The following CDC42BPB variants were observed in gnomAD, a reference collection of about 807,000 sequenced individuals.
CDC42BPB encodes serine/threonine-protein kinase MRCK beta.
A neutral mutation model predicts 214.9 loss-of-function variants in CDC42BPB; 37 were observed. That is an observed-to-expected ratio of 0.17 (90% CI 0.13 to 0.23). The LOEUF (loss-of-function observed/expected upper bound fraction) is 0.23, where lower values mean the gene tolerates loss of function less well. Among genes scored for constraint, CDC42BPB ranks in the 10% least tolerant of loss-of-function variants. The probability of loss-of-function intolerance (pLI) is 1.00; values close to 1 mark genes in which losing one functional copy is unlikely to be tolerated. For synonymous variants in CDC42BPB, 931 were observed against 884.0 expected, an observed-to-expected ratio of 1.05 and a Z score of -0.94; for missense variants, 1,694 against 2,227.0, an observed-to-expected ratio of 0.76 and a Z score of 4.82.
chr14:102,958,045 G>C (rs1424695159), intron 21 of CDC42BPB, among the ~76,000 whole-genome samples: 1 of 152,240 alleles, frequency 6.6e-6, no homozygotes, highest in Non-Finnish European at 1.5e-5. Context: ...TCATAAAAGG[G>C]AACAGATGGG....
chr14:103,011,714 A>G (rs1886170179), intron 2 of CDC42BPB, among the ~76,000 whole-genome samples: 1 of 152,246 alleles, frequency 6.6e-6, no homozygotes, highest in South Asian at 2.1e-4. Context: ...ACTGCACTCC[A>G]GCCTGGGTGA....
At position 102,944,838 on chromosome 14, in the gene CDC42BPB, T is replaced by G. The variant is rs566311919; in HGVS notation, c.3812-351A>C. On this transcript the variant is annotated intron_variant, in intron 29 of 36. Transcript: ENST00000361246. This position sits in a 1 kb window ranked among gnomAD's most constrained non-coding sequence, Gnocchi z 6.6. ...CGCGCAGCAAGGCCCTGGGGTGATC[T>G]GGGCCTCCTTCCAGCTCATCCCCGA... Among the ~76,000 whole-genome samples, 18 of 152,272 alleles carry G rather than the reference T, an allele frequency of 1.2e-4. No individual in the cohort carries two copies. The highest frequency in any genetic ancestry group is 4.3e-4 in the African/African-American group (18 of 41,560).
At chr14:102,934,819 A>G (rs974298694) in intron 36 of CDC42BPB, among the ~76,000 whole-genome samples, 4 of 151,848 alleles carry the variant, frequency 2.6e-5, no homozygotes, top group Admixed American at 6.6e-5. Context: ...AGACCATCCT[A>G]ACACAGTGAA....
intron 1 of CDC42BPB, among the ~76,000 whole-genome samples, chr14:103,016,185 GCTCT>G (rs1886449576): frequency 6.6e-6 from 1 of 152,262 alleles, no homozygotes; most frequent in Admixed American, 6.5e-5. Context: ...CTGACGCTGG[GCTCT>G]CTGAGGTGAC....
chr14:102,941,681 G>A, intron 30 of CDC42BPB: 2 of 386,792 alleles, frequency 5.2e-6, no homozygotes, highest in Non-Finnish European at 7.1e-6. Context: ...AAAGATTCTA[G>A]TGAAACAGAT....
chr14:102,980,662 G>T, intron 8 of CDC42BPB, 111 bp downstream of exon 8: 1 of 1,045,186 alleles, frequency 9.6e-7, no homozygotes, highest in Non-Finnish European at 1.4e-6. Flanking sequence ...TGTCTTAAGT[G>T]CCAAATTTCA....
At chr14:102,999,512 A>C in intron 5 of CDC42BPB, 53 bp downstream of exon 5, 3 of 1,585,720 alleles carry the variant, frequency 1.9e-6, no homozygotes, top group South Asian at 1.1e-5. Context: ...CTCTGAAAGG[A>C]GTCTTTTAAC....
At chr14:102,952,632 G>A (rs2139400619) in intron 23 of CDC42BPB, 29 bp from the exon 24 acceptor site, 1 of 1,602,168 alleles carries the variant, frequency 6.2e-7, no homozygotes, top group Non-Finnish European at 8.5e-7. Context: ...GAACACTGAG[G>A]TGAACCATGG....
intron 1 of CDC42BPB, among the ~76,000 whole-genome samples, chr14:103,037,722 G>A (rs1229699217): frequency 1.3e-5 from 2 of 152,130 alleles, no homozygotes; most frequent in African/African-American, 4.8e-5. Flanking sequence ...CAAGAGATAT[G>A]TGGAGAGGAG....
chr14:103,057,392 C>G lies in CDC42BPB; in HGVS notation c.-219G>C, dbSNP rs1181236594. 7 of 885,686 alleles carry G rather than the reference C, an allele frequency of 7.9e-6. No homozygotes were observed. The highest frequency in any genetic ancestry group is 9.5e-6 in the Non-Finnish European group (7 of 737,578). The allele number at this position is 885,686 out of a possible 1,614,324, so 54.9% of individuals were successfully genotyped here. A position where few individuals can be genotyped will look rare whatever the true frequency, so the allele number is the denominator to read the frequency against. On this transcript the variant is annotated 5_prime_UTR_variant, in exon 1 of 37. Transcript: ENST00000361246. ...CGCCGGGCCCCGCGGGTCCATGGGCCGCTCTCCTCCCCTCGGCGCCGCCGC... is the reference window on the plus strand; with the variant it reads ...CGCCGGGCCCCGCGGGTCCATGGGCGGCTCTCCTCCCCTCGGCGCCGCCGC...
intron 21 of CDC42BPB, 160 bp from the exon 22 acceptor site, chr14:102,954,848 G>A (rs1195707141): frequency 2.0e-5 from 20 of 984,002 alleles, no homozygotes; most frequent in Non-Finnish European, 2.3e-5. Context: ...TCTCCTCACA[G>A]ACCCCTGCTC....
At position 102,986,535 on chromosome 14, in the gene CDC42BPB, G is replaced by A; in HGVS notation, c.642C>T (p.Ile214=). The A allele has an allele frequency of 6.2e-7, 1 of 1,614,062 alleles. No homozygotes were observed. The highest frequency in any genetic ancestry group is 8.5e-7 in the Non-Finnish European group (1 of 1,179,978). ...AACATGATCCAAAGTCAGCCAGGCG[G>A]ATATGACCATTCACGTCCAAAAGGA... The part of the protein sequence containing the change: ...DNVLLDVNGH[I]RLADFGSCLK... Residue 214 remains isoleucine (I), a synonymous_variant, in exon 6 of 37, where the codon ATC becomes ATT. Transcript: ENST00000361246.
intron 36 of CDC42BPB, among the ~76,000 whole-genome samples, chr14:102,936,105 T>G (rs2139333454): frequency 6.6e-6 from 1 of 152,256 alleles, no homozygotes; most frequent in Middle Eastern, 3.4e-3. Flanking sequence ...CAAGAACAAG[T>G]ATTGGTGAGG....
chr14:102,993,714 A>C (rs557204784), intron 5 of CDC42BPB, among the ~76,000 whole-genome samples: 1 of 152,318 alleles, frequency 6.6e-6, no homozygotes, highest in South Asian at 2.1e-4. Context: ...TGAGTCACCC[A>C]TGTAAATAAA....
At chr14:102,994,198 TG>T (rs1894622101) in intron 5 of CDC42BPB, among the ~76,000 whole-genome samples, 1 of 151,984 alleles carries the variant, frequency 6.6e-6, no homozygotes. Context: ...AAAACAGGGA[TG>T]TTTTTCCAGG....
chr14:103,017,870 T>C (rs1886551996), intron 1 of CDC42BPB, among the ~76,000 whole-genome samples: 1 of 152,238 alleles, frequency 6.6e-6, no homozygotes, highest in African/African-American at 2.4e-5. Context: ...AATGTATCAA[T>C]GCTACATTCC....
At chr14:102,970,393 T>G (rs1000729452) in intron 13 of CDC42BPB, 132 bp from the exon 14 acceptor site, 5 of 1,386,048 alleles carry the variant, frequency 3.6e-6, no homozygotes, top group Admixed American at 3.0e-5. Context: ...TCATCAAATC[T>G]TATCACAAAT....
In CDC42BPB at chr14:102,968,327, T is replaced by C. The variant is rs1354189397; in HGVS notation, c.2272A>G (p.Ile758Val). 2 of 1,614,070 alleles carry C rather than the reference T, an allele frequency of 1.2e-6. No homozygotes were observed. Among genetic ancestry groups the C allele is most frequent in the Admixed American group, 3.3e-5 (2 of 59,998 alleles). The change falls in exon 16 of 37, where the codon ATA becomes GTA. Residue 758 changes from isoleucine to valine, a missense_variant. Ile to Val is a conservative substitution (Grantham distance 29, BLOSUM62 3). This residue lies in a region of CDC42BPB where 462 missense variants were observed against 513.5 expected (regional missense o/e 0.90). Coordinates refer to ENST00000361246, the MANE Select transcript of CDC42BPB (RefSeq NM_006035.4). ...CTTTCTCGTTCGTATTTATCTTTTA[T>C]TGTACCTACTGCCTCCTCCATCTCG... ...HNEMEEAVGT[I>V]KDKYERERAM... is the part of the protein sequence containing the mutation.
chr14:103,036,785 A>T (rs1887688580), intron 1 of CDC42BPB, among the ~76,000 whole-genome samples: 1 of 152,172 alleles, frequency 6.6e-6, no homozygotes, highest in Non-Finnish European at 1.5e-5. Flanking sequence ...ACCATATTTC[A>T]ACATTAATTT....
Sources: allele counts gnomAD v4.1 joint callset (sites outside exome capture counted in the v4.1 genomes callset), GRCh38; gene constraint gnomAD v4.1.1; regional missense constraint gnomAD v4.1.1; non-coding constraint Gnocchi (gnomAD v3.1); transcripts MANE v1.5; gene names NCBI Gene and HGNC (gene_info 2026-07-23, HGNC 2026-07-21).